PTPRM: variants seen among roughly 807,000 people sequenced by gnomAD.
PTPRM encodes the protein receptor-type tyrosine-protein phosphatase mu.
PTPRM carries 47 observed loss-of-function variants against 186.7 expected under a neutral mutation model. The ratio of observed to expected loss-of-function variants is 0.25; its 90% CI spans 0.20 to 0.32. The LOEUF is 0.32. Among genes scored for constraint, PTPRM ranks in the 10% least tolerant of loss-of-function variants. The probability of loss-of-function intolerance (pLI) is 1.00; values close to 1 mark genes in which losing one functional copy is unlikely to be tolerated. For missense variants in PTPRM, 1,494 were observed against 1,865.0 expected (o/e 0.80, Z 3.66); for synonymous variants, 668 against 674.9 (o/e 0.99, Z 0.16).
intron 7 of PTPRM, among the ~76,000 whole-genome samples, chr18:7,990,012 T>C (rs2083179897): frequency 6.6e-6 from 1 of 152,192 alleles, no homozygotes; most frequent in South Asian, 2.1e-4. Flanking sequence ...CAAGTGAGTC[T>C]CATGCCTCAG....
rs1222961839 is a variant in PTPRM, at chr18:7,705,325, A to ATCTG, written c.74-68820_74-68817dup. Among the ~76,000 whole-genome samples, 229 of 140,248 alleles carry ATCTG rather than the reference A, an allele frequency of 1.6e-3. 1 individual carries two copies. Among genetic ancestry groups the ATCTG allele is most frequent in the South Asian group, 4.8e-3 (21 of 4,416 alleles). The allele number at this position is 140,248 out of a possible 152,430, so 92.0% of individuals were successfully genotyped here. A position where few individuals can be genotyped will look rare whatever the true frequency, so the allele number is the denominator to read the frequency against. On this transcript the variant is annotated intron_variant, in intron 1 of 32. Transcript: ENST00000580170. ...TATCTATCTATCTATCTATCTATCT[A>ATCTG]TCTGTCTATCTAGCTAGCTAGCTAG...
chr18:8,330,712 C>T (rs1242770837), intron 22 of PTPRM, among the ~76,000 whole-genome samples: 1 of 151,344 alleles, frequency 6.6e-6, no homozygotes, highest in Non-Finnish European at 1.5e-5. Flanking sequence ...TTACAGCATG[C>T]GCAAGTACCC....
At chr18:8,383,042 G>T (rs993558763) in intron 29 of PTPRM, among the ~76,000 whole-genome samples, 4 of 152,028 alleles carry the variant, frequency 2.6e-5, no homozygotes, top group African/African-American at 9.7e-5. Context: ...GCTCACACCA[G>T]TAATCCCAGC....
chr18:7,570,364 A>G (rs2036537850), intron 1 of PTPRM, among the ~76,000 whole-genome samples: 1 of 152,174 alleles, frequency 6.6e-6, no homozygotes, highest in Non-Finnish European at 1.5e-5. Flanking sequence ...TTCACTTGAC[A>G]TGGGAATAAA....
chr18:7,972,206 C>G (rs2054570768), intron 7 of PTPRM, among the ~76,000 whole-genome samples: 1 of 130,040 alleles, frequency 7.7e-6, no homozygotes, highest in Non-Finnish European at 1.5e-5. Context: ...TAAACTATCG[C>G]AAGAAGAAAA....
intron 7 of PTPRM, among the ~76,000 whole-genome samples, chr18:8,014,641 G>A (rs1416053835): frequency 6.6e-6 from 1 of 152,132 alleles, no homozygotes; most frequent in East Asian, 1.9e-4. Flanking sequence ...AAATACAAAG[G>A]AAATTGTGTT....
At chr18:7,982,729 T>G (rs2082626621) in intron 7 of PTPRM, among the ~76,000 whole-genome samples, 1 of 152,118 alleles carries the variant, frequency 6.6e-6, no homozygotes, top group African/African-American at 2.4e-5. Context: ...AGTAGTGTGT[T>G]GTGCTATGAC....
intron 19 of PTPRM, among the ~76,000 whole-genome samples, chr18:8,255,694 A>C (rs1170088896): frequency 1.3e-5 from 2 of 152,218 alleles, no homozygotes; most frequent in East Asian, 3.8e-4. Context: ...AACAAATAGG[A>C]AGGAGATGTT....
intron 7 of PTPRM, among the ~76,000 whole-genome samples, chr18:8,025,045 T>C (rs1202110392): frequency 2.0e-5 from 3 of 152,150 alleles, no homozygotes; most frequent in Admixed American, 2.0e-4. Context: ...GCGGTAGAAG[T>C]GGTGCCTTCC....
chr18:8,223,685 C>T (rs903454258), intron 14 of PTPRM, among the ~76,000 whole-genome samples: 5 of 152,146 alleles, frequency 3.3e-5, no homozygotes, highest in Non-Finnish European at 7.4e-5. Flanking sequence ...CTGTCCTCTC[C>T]CCACAGAAGT....
intron 1 of PTPRM, among the ~76,000 whole-genome samples, chr18:7,705,297 A>G (rs546158254): frequency 5.1e-4 from 73 of 143,352 alleles, no homozygotes; most frequent in African/African-American, 1.7e-3. Flanking sequence ...CTATCTATCT[A>G]TCTATCTATC....
chr18:7,931,445 C>G (rs558245304), intron 5 of PTPRM, among the ~76,000 whole-genome samples: 25 of 152,216 alleles, frequency 1.6e-4, no homozygotes, highest in African/African-American at 4.8e-4. Flanking sequence ...GTGGCTCACG[C>G]CTGTAATCCC....
At chr18:7,605,910 G>C (rs2037520950) in intron 1 of PTPRM, among the ~76,000 whole-genome samples, 1 of 152,158 alleles carries the variant, frequency 6.6e-6, no homozygotes, top group Admixed American at 6.5e-5. Context: ...CCATTGCAGA[G>C]CATGACAGAC....
chr18:7,824,553 T>C (rs556187187), intron 2 of PTPRM, among the ~76,000 whole-genome samples: 1 of 152,322 alleles, frequency 6.6e-6, no homozygotes, highest in Admixed American at 6.5e-5. Flanking sequence ...AGGGTTTCCT[T>C]CTCTCTTCTT....
intron 14 of PTPRM, among the ~76,000 whole-genome samples, chr18:8,157,770 C>A (rs565786955): frequency 6.6e-6 from 1 of 152,296 alleles, no homozygotes; most frequent in East Asian, 1.9e-4. Context: ...CTCTAAACCC[C>A]AAATGCTTCT....
At chr18:7,590,020 TG>T (rs2143614393) in intron 1 of PTPRM, among the ~76,000 whole-genome samples, 1 of 152,198 alleles carries the variant, frequency 6.6e-6, no homozygotes, top group Non-Finnish European at 1.5e-5. Flanking sequence ...GGGAAGCAGG[TG>T]GGTGTTGTTA....
chr18:8,394,700 G>A (rs745542566), intron 32 of PTPRM, 89 bp downstream of exon 32: 66 of 1,331,144 alleles, frequency 5.0e-5, no homozygotes, highest in South Asian at 3.4e-4. Context: ...AAACTGATGC[G>A]TAGAGGAAGA....
intron 14 of PTPRM, among the ~76,000 whole-genome samples, chr18:8,216,208 T>C (rs1212875661): frequency 6.6e-6 from 1 of 152,232 alleles, no homozygotes; most frequent in East Asian, 1.9e-4. Context: ...TTTTTCTTTT[T>C]CTTTAACGTT....
At chr18:7,857,758 G>A (rs1026734888) in intron 2 of PTPRM, among the ~76,000 whole-genome samples, 5 of 152,270 alleles carry the variant, frequency 3.3e-5, no homozygotes, top group Non-Finnish European at 5.9e-5. Context: ...TGTTTGTACA[G>A]CCAACTTTTT....
Sources: gnomAD v4.1 joint callset for allele counts (sites outside exome capture counted in the v4.1 genomes callset) on GRCh38, gnomAD v4.1.1 for gene constraint, MANE v1.5 for transcripts, NCBI Gene and HGNC (gene_info 2026-07-23, HGNC 2026-07-21) for gene names.